Variants in VAPA observed in about 807,000 individuals in gnomAD.
The protein encoded by VAPA is vesicle-associated membrane protein-associated protein A.
In VAPA, 6 loss-of-function variants were observed where a neutral mutation model predicts 25.6. That is an observed-to-expected ratio of 0.23 (90% CI 0.13 to 0.46). The LOEUF is 0.46. Among genes scored for constraint, VAPA ranks in the 20% least tolerant of loss-of-function variants. The pLI, the probability that VAPA is intolerant of heterozygous loss-of-function variation, is 0.99. For synonymous variants in VAPA, 112 were observed against 106.2 expected, an observed-to-expected ratio of 1.05 and a Z score of -0.34; for missense variants, 244 against 302.1, an observed-to-expected ratio of 0.81 and a Z score of 1.43.
At chr18:9,953,892 C>T (rs1296671948) in intron 5 of VAPA, among the ~76,000 whole-genome samples, 161 bp from the exon 6 acceptor site, 1 of 152,092 alleles carries the variant, frequency 6.6e-6, no homozygotes, top group East Asian at 1.9e-4. Flanking sequence ...TGTCTATCAC[C>T]CCCGGAAAGT....
At chr18:9,923,068 A>G (rs2069170650) in intron 1 of VAPA, among the ~76,000 whole-genome samples, 2 of 152,218 alleles carry the variant, frequency 1.3e-5, no homozygotes, top group South Asian at 4.1e-4. Context: ...TAGTGTCTTC[A>G]ATGCTTATAA....
rs2069530584 is a variant in VAPA, at chr18:9,954,869, ATATG to A, written c.*659_*662del. 1.3e-5 allele frequency: 2 copies of A among 152,624 alleles called. No individual in the cohort carries two copies. The highest frequency in any genetic ancestry group is 4.1e-4 in the South Asian group (2 of 4,832). 9.5% of individuals were successfully genotyped at this position (152,624 alleles called of 1,614,324 possible). The stretch of plus-strand genomic sequence containing the variant: ...GTGTTATTAGAGGGAACTCCACTAT[ATATG>A]GTCACTTGAAATTATGATGCAAAGG... On this transcript the variant is annotated 3_prime_UTR_variant, in exon 6 of 6. Transcript: ENST00000400000.
chr18:9,925,067 T>G (rs1228274648), intron 1 of VAPA: 2 of 152,090 alleles, frequency 1.3e-5, no homozygotes, highest in Non-Finnish European at 2.9e-5. Flanking sequence ...ATGAAAATGG[T>G]GTAAAAGAAG....
intron 1 of VAPA, among the ~76,000 whole-genome samples, chr18:9,925,720 T>G (rs1225325769): frequency 1.3e-5 from 2 of 152,124 alleles, no homozygotes; most frequent in African/African-American, 4.8e-5. Flanking sequence ...TTTAGGGCTT[T>G]CTTGGATGTA....
At chr18:9,918,734 T>C (rs2069133053) in intron 1 of VAPA, among the ~76,000 whole-genome samples, 1 of 152,220 alleles carries the variant, frequency 6.6e-6, no homozygotes, top group African/African-American at 2.4e-5. Flanking sequence ...CTGCAGGTAT[T>C]GCTACACCCC....
chr18:9,957,487 T>A lies in VAPA; in HGVS notation c.*3276T>A, dbSNP rs1181926342. 6.6e-6 allele frequency: 1 copy of A among 152,224 alleles called. No homozygotes were observed. Among genetic ancestry groups the A allele is most frequent in the African/African-American group, 2.4e-5 (1 of 41,458 alleles). 9.4% of individuals were successfully genotyped at this position (152,224 alleles called of 1,614,324 possible). A position where few individuals can be genotyped will look rare whatever the true frequency, so the allele number is the denominator to read the frequency against. On this transcript the variant is annotated 3_prime_UTR_variant, in exon 6 of 6. Transcript: ENST00000400000. ...TTGAGGGTATTCCCAACTTGTGATC[T>A]TCTACCACTTTAGAGACATTCAAGT...
intron 1 of VAPA, among the ~76,000 whole-genome samples, chr18:9,927,779 T>G (rs553516910): frequency 6.6e-6 from 1 of 152,208 alleles, no homozygotes; most frequent in East Asian, 1.9e-4. Context: ...AAAGGCCACA[T>G]TTATGTATGT....
chr18:9,936,698 G>A (rs2069314130), intron 3 of VAPA: 1 of 294,352 alleles, frequency 3.4e-6, no homozygotes, highest in South Asian at 6.6e-5. Context: ...CTCCAGCCTG[G>A]GAAACAGAAT....
intron 1 of VAPA, among the ~76,000 whole-genome samples, chr18:9,923,503 A>G (rs2069174424): frequency 6.6e-6 from 1 of 152,180 alleles, no homozygotes; most frequent in Non-Finnish European, 1.5e-5. Context: ...TTGTAGCTGT[A>G]TGTTTCATGT....
chr18:9,920,484 G>T (rs768445652), intron 1 of VAPA, among the ~76,000 whole-genome samples: 1 of 152,118 alleles, frequency 6.6e-6, no homozygotes, highest in African/African-American at 2.4e-5. Flanking sequence ...TGTATTTTTA[G>T]TAGAGACGGG....
chr18:9,922,254 G>A (rs906845212), intron 1 of VAPA, among the ~76,000 whole-genome samples: 4 of 152,082 alleles, frequency 2.6e-5, no homozygotes, highest in African/African-American at 9.7e-5. Context: ...ACAGGCATGA[G>A]CTACCATACC....
At position 9,954,039 on chromosome 18, in the gene VAPA, T is replaced by TG; in HGVS notation, c.592-13dup. On this transcript the variant is annotated splice_polypyrimidine_tract_variant and intron_variant, in intron 5 of 5. Transcript: ENST00000400000. ...TGTTTTTAAAAACCTTTTGTGTGTG[T>TG]GTTTTTTTTCTAGGATGAAGGTTTA... 1 of 1,613,120 alleles carries TG rather than the reference T, an allele frequency of 6.2e-7. No individual in the cohort carries two copies. Among genetic ancestry groups the TG allele is most frequent in the Non-Finnish European group, 8.5e-7 (1 of 1,179,764 alleles).
rs535124567 is a variant in VAPA, at chr18:9,955,365, T to C, written c.*1154T>C. 1.3e-5 allele frequency: 2 copies of C among 152,226 alleles called. No individual in the cohort carries two copies. The highest frequency in any genetic ancestry group is 1.9e-4 in the East Asian group (1 of 5,200). 9.4% of individuals were successfully genotyped at this position (152,226 alleles called of 1,614,324 possible). A position where few individuals can be genotyped will look rare whatever the true frequency, so the allele number is the denominator to read the frequency against. On this transcript the variant is annotated 3_prime_UTR_variant, in exon 6 of 6. Transcript: ENST00000400000. Reference sequence around the variant, plus strand: ...GAAAAATGATTTTAGCCTTTGCAAATGTTAACCATGTGAAACACATTTTCA... The same window carrying C: ...GAAAAATGATTTTAGCCTTTGCAAACGTTAACCATGTGAAACACATTTTCA...
intron 4 of VAPA, among the ~76,000 whole-genome samples, chr18:9,941,106 A>G (rs2069362663): frequency 6.6e-6 from 1 of 151,882 alleles, no homozygotes; most frequent in African/African-American, 2.4e-5. Context: ...GTAAAGAAAT[A>G]TATTTAACCC....
Position 9,957,892 on chromosome 18 carries a change from C to T in VAPA, c.*3681C>T, listed in dbSNP as rs1046506634. ...CTGATTTTCATGCCACGTTTCATAG[C>T]CCCACTTTTGGTAGACTACCACCAC... On this transcript the variant is annotated 3_prime_UTR_variant, in exon 6 of 6. Coordinates refer to ENST00000400000, the MANE Select transcript of VAPA (RefSeq NM_194434.3). 6.6e-6 allele frequency: 1 copy of T among 152,198 alleles called. No homozygotes were observed. Among genetic ancestry groups the T allele is most frequent in the Non-Finnish European group, 1.5e-5 (1 of 68,036 alleles). The allele number at this position is 152,198 out of a possible 1,614,324, so 9.4% of individuals were successfully genotyped here.
In VAPA at chr18:9,941,120, AT is replaced by A. The variant is rs548190371; in HGVS notation, c.417+4064del. ...GGTAAAGAAATATATTTAACCCAGT[AT>A]TTTTTTTTTAATTTAAAATAACCTA... On this transcript the variant is annotated intron_variant, in intron 4 of 5. Transcript: ENST00000400000. 3.5e-3 allele frequency among the ~76,000 whole-genome samples: 526 copies of A among 150,232 alleles called. 2 individuals carry two copies. The highest frequency in any genetic ancestry group is 5.5e-3 in the Non-Finnish European group (369 of 67,320).
In VAPA at chr18:9,954,218, G is replaced by A. The variant is rs1297925160; in HGVS notation, c.*7G>A. ...AGGGAAATTCATCTTGTAGAGTGAA[G>A]CATGCAGAGTGCTGTTTCTTTTTTT... is the stretch of plus-strand genomic sequence containing the variant. On this transcript the variant is annotated 3_prime_UTR_variant, in exon 6 of 6. Transcript: ENST00000400000. 6.3e-7 allele frequency: 1 copy of A among 1,598,948 alleles called. No homozygotes were observed. The highest frequency in any genetic ancestry group is 8.5e-7 in the Non-Finnish European group (1 of 1,174,118).
chr18:9,934,545 A>G (rs1361036710), intron 2 of VAPA, among the ~76,000 whole-genome samples: 2 of 152,202 alleles, frequency 1.3e-5, no homozygotes, highest in South Asian at 4.1e-4. Context: ...CAGTTAATGG[A>G]CTTCTCAGAC....
At chr18:9,945,254 GAACTT>G (rs2069409883) in intron 4 of VAPA, among the ~76,000 whole-genome samples, 1 of 150,388 alleles carries the variant, frequency 6.6e-6, no homozygotes, top group African/African-American at 2.4e-5. Flanking sequence ...AAAAACTTCT[GAACTT>G]AACTAAAATC....
Sources: gnomAD v4.1 joint callset for allele counts (sites outside exome capture counted in the v4.1 genomes callset) on GRCh38, gnomAD v4.1.1 for gene constraint, MANE v1.5 for transcripts, NCBI Gene and HGNC (gene_info 2026-07-23, HGNC 2026-07-21) for gene names.